Variants in PRICKLE2 observed in about 807,000 individuals in gnomAD.
PRICKLE2 encodes the protein prickle-like protein 2.
PRICKLE2 carries 21 observed loss-of-function variants against 81.4 expected under a neutral mutation model. That is an observed-to-expected ratio of 0.26 (90% CI 0.18 to 0.37). The LOEUF (loss-of-function observed/expected upper bound fraction) is 0.37. Among genes scored for constraint, PRICKLE2 ranks in the 10% least tolerant of loss-of-function variants. The probability of loss-of-function intolerance (pLI) is 1.00; values close to 1 mark genes in which losing one functional copy is unlikely to be tolerated. For synonymous variants in PRICKLE2, 456 were observed against 421.5 expected, an observed-to-expected ratio of 1.08 and a Z score of -1.00; for missense variants, 940 against 1,109.0, an observed-to-expected ratio of 0.85 and a Z score of 2.16.
At chr3:64,192,185 C>A (rs55970308) in intron 2 of PRICKLE2, among the ~76,000 whole-genome samples, 3 of 152,094 alleles carry the variant, frequency 2.0e-5, no homozygotes, top group African/African-American at 7.2e-5. Context: ...CAGTGTGATG[C>A]GACCTGAACA....
intron 7 of PRICKLE2, among the ~76,000 whole-genome samples, chr3:64,106,486 G>A (rs1378505122): frequency 6.6e-6 from 1 of 152,184 alleles, no homozygotes; most frequent in Admixed American, 6.5e-5. Context: ...ATGCATGATT[G>A]TATGGATTAA....
At chr3:64,117,524 T>G (rs1009025111) in intron 7 of PRICKLE2, among the ~76,000 whole-genome samples, 3 of 152,176 alleles carry the variant, frequency 2.0e-5, no homozygotes, top group African/African-American at 7.2e-5. Context: ...AAAATCAATG[T>G]GGAAAAATCA....
intron 2 of PRICKLE2, among the ~76,000 whole-genome samples, chr3:64,180,714 G>C (rs887392549): frequency 6.6e-6 from 1 of 152,086 alleles, no homozygotes; most frequent in South Asian, 2.1e-4. Flanking sequence ...TGTGTTTTTA[G>C]TAGAGACGGG....
At chr3:64,224,168 C>T (rs915590391) in intron 1 of PRICKLE2, among the ~76,000 whole-genome samples, 1 of 152,174 alleles carries the variant, frequency 6.6e-6, no homozygotes, top group African/African-American at 2.4e-5. Flanking sequence ...TTGGCCCAGC[C>T]TGGATTATTT....
intron 1 of PRICKLE2, among the ~76,000 whole-genome samples, chr3:64,212,242 G>T (rs1258636853): frequency 6.6e-6 from 1 of 152,146 alleles, no homozygotes; most frequent in Non-Finnish European, 1.5e-5. Context: ...AATAAACCAT[G>T]GTAGATAGAG....
chr3:64,262,608 G>A (rs1436014738), intron 2 of PRICKLE2, among the ~76,000 whole-genome samples: 2 of 151,434 alleles, frequency 1.3e-5, no homozygotes, highest in Non-Finnish European at 2.9e-5. Flanking sequence ...CAGGAAGGAG[G>A]CAGGAGCGGC....
intron 1 of PRICKLE2, among the ~76,000 whole-genome samples, chr3:64,214,580 G>T (rs1189093355): frequency 3.9e-5 from 6 of 152,114 alleles, no homozygotes; most frequent in Non-Finnish European, 8.8e-5. Flanking sequence ...GCTACAACTC[G>T]CTTCCTCATT....
At chr3:64,267,866 T>A (rs2107196033) in intron 2 of PRICKLE2, 1 of 152,330 alleles carries the variant, frequency 6.6e-6, no homozygotes, top group South Asian at 2.1e-4. Context: ...TGCGCCGCCC[T>A]CTGTGCTCCC....
Position 64,099,547 on chromosome 3 carries a change from C to A in PRICKLE2, c.2039G>T (p.Arg680Leu). 1.9e-6 allele frequency: 3 copies of A among 1,609,088 alleles called. No individual in the cohort carries two copies. The highest frequency in any genetic ancestry group is 2.6e-6 in the Non-Finnish European group (3 of 1,175,966). The change falls in exon 8 of 8, where the codon CGC becomes CTC. Residue 680 changes from arginine (R) to leucine (L), a missense_variant. By Grantham distance (102) the Arg-to-Leu change is moderately radical. This residue lies in a region of PRICKLE2 where 670 missense variants were observed against 717.2 expected (regional missense o/e 0.93). Coordinates refer to ENST00000638394, the MANE Select transcript of PRICKLE2 (RefSeq NM_198859.4). The surrounding 1 kb of genome is among the most constrained non-coding windows in gnomAD (Gnocchi z 4.3). ...CCTGGACCTGTGAGGTCGGAAACGG[C>A]GGTTGTCGTCGCGTGAAGTAGCTCT... ...RRRATSRDDN[R>L]RFRPHRSRRS...
intron 2 of PRICKLE2, among the ~76,000 whole-genome samples, chr3:64,166,105 C>G (rs1485069084): frequency 6.6e-6 from 1 of 151,652 alleles, no homozygotes; most frequent in Non-Finnish European, 1.5e-5. Context: ...GTGATTGTAC[C>G]AAGTTTCTGT....
At chr3:64,195,220 C>A (rs1313875066) in intron 2 of PRICKLE2, among the ~76,000 whole-genome samples, 1 of 152,100 alleles carries the variant, frequency 6.6e-6, no homozygotes, top group Non-Finnish European at 1.5e-5. Context: ...AGATAAATGC[C>A]TTTCCTTTCT....
At position 64,096,768 on chromosome 3, in the gene PRICKLE2, A is replaced by C. The variant is rs576367337; in HGVS notation, c.*2283T>G. 1 of 152,518 alleles carries C rather than the reference A, an allele frequency of 6.6e-6. No individual in the cohort carries two copies. The highest frequency in any genetic ancestry group is 2.4e-5 in the African/African-American group (1 of 41,342). The allele number at this position is 152,518 out of a possible 1,614,324, so 9.4% of individuals were successfully genotyped here. On this transcript the variant is annotated 3_prime_UTR_variant, in exon 8 of 8. Transcript: ENST00000638394. ...TGAAGCTTTCTTTGAGAAAGGTAAG[A>C]GGTATTCTGAGAAAAACAGAGTTAG...
intron 2 of PRICKLE2, among the ~76,000 whole-genome samples, chr3:64,247,579 A>T (rs1423684922): frequency 1.3e-5 from 2 of 152,306 alleles, no homozygotes; most frequent in East Asian, 3.9e-4. Flanking sequence ...ATTTTTCAGC[A>T]ATTAGGAGCA....
chr3:64,146,530 T>C (rs1450051560), intron 7 of PRICKLE2: 4 of 338,748 alleles, frequency 1.2e-5, no homozygotes, highest in Admixed American at 7.8e-5. Context: ...GATCACGAGG[T>C]CAGGAGATCG....
intron 2 of PRICKLE2, among the ~76,000 whole-genome samples, chr3:64,233,637 A>T (rs1266617006): frequency 2.6e-5 from 4 of 152,172 alleles, no homozygotes; most frequent in African/African-American, 9.7e-5. Context: ...GCATCTTACT[A>T]ACATGGCCAA....
At chr3:64,126,271 T>G (rs1485329686) in intron 7 of PRICKLE2, among the ~76,000 whole-genome samples, 1 of 152,188 alleles carries the variant, frequency 6.6e-6, no homozygotes, top group Admixed American at 6.5e-5. Context: ...CACTAGGAGA[T>G]GCAGCAAAGA....
At chr3:64,117,110 T>C (rs2076946891) in intron 7 of PRICKLE2, among the ~76,000 whole-genome samples, 1 of 152,220 alleles carries the variant, frequency 6.6e-6, no homozygotes, top group East Asian at 1.9e-4. Flanking sequence ...CATATGATTA[T>C]CACAATAGAT....
rs2078513964 is a variant in PRICKLE2, at chr3:64,198,912, G to T, written c.16C>A (p.Pro6Thr). The T allele has an allele frequency of 6.2e-7, 1 of 1,614,022 alleles. No individual in the cohort carries two copies. Among genetic ancestry groups the T allele is most frequent in the African/African-American group, 1.3e-5 (1 of 74,938 alleles). ...CTGATGGTCTTCTCCATCTCCAGCG[G>T]CATCACTGTCACCATGTGCTCCTCC... is the stretch of plus-strand genomic sequence containing the variant. MVTVM[P>T]LEMEKTISKL... The change falls in exon 2 of 8, where the codon CCG (proline) becomes ACG (threonine). Residue 6 changes from proline (P) to threonine (T), a missense_variant. Pro to Thr is a conservative substitution (Grantham distance 38). Transcript: ENST00000638394.
At chr3:64,122,192 T>C (rs1051915156) in intron 7 of PRICKLE2, among the ~76,000 whole-genome samples, 4 of 152,188 alleles carry the variant, frequency 2.6e-5, no homozygotes, top group Admixed American at 6.5e-5. Context: ...GGTAGTTTGT[T>C]GACAGAAAGG....
Sources: allele counts gnomAD v4.1 joint callset (sites outside exome capture counted in the v4.1 genomes callset), GRCh38; gene constraint gnomAD v4.1.1; regional missense constraint gnomAD v4.1.1; non-coding constraint Gnocchi (gnomAD v3.1); transcripts MANE v1.5; gene names NCBI Gene and HGNC (gene_info 2026-07-23, HGNC 2026-07-21).